The following PRKN variants were observed in gnomAD, a reference collection of about 807,000 sequenced individuals.
The protein encoded by PRKN is parkin RBR E3 ubiquitin protein ligase.
PRKN carries 56 observed loss-of-function variants against 59.5 expected under a neutral mutation model. The ratio of observed to expected loss-of-function variants is 0.94; its 90% CI spans 0.76 to 1.18. The LOEUF (loss-of-function observed/expected upper bound fraction) is 1.18, where lower values mean the gene tolerates loss of function less well. PRKN is among the 50% of genes most tolerant of loss of function. The pLI is 0.00. For missense variants in PRKN, 657 were observed against 596.4 expected (o/e 1.10, Z -1.06); for synonymous variants, 250 against 222.1 (o/e 1.13, Z -1.12).
chr6:161,830,419 T>C (rs1020517770), intron 6 of PRKN, among the ~76,000 whole-genome samples: 1 of 152,038 alleles, frequency 6.6e-6, no homozygotes, highest in Non-Finnish European at 1.5e-5. Context: ...GCCGAGCTAA[T>C]TTTTTTCTGT....
At chr6:162,719,048 A>T (rs1778834388) in intron 1 of PRKN, among the ~76,000 whole-genome samples, 1 of 152,190 alleles carries the variant, frequency 6.6e-6, no homozygotes, top group African/African-American at 2.4e-5. Context: ...TAGGTTGAGC[A>T]TCTCACAGAT....
chr6:162,340,139 A>C lies in PRKN; in HGVS notation c.172-77374T>G, dbSNP rs573481946. The stretch of plus-strand genomic sequence containing the variant: ...AAACACCCAAGAATTATCAATAAAA[A>C]AATAAATTAAAAAAAAAAAAAGTAG... On this transcript the variant is annotated intron_variant, in intron 2 of 11. Coordinates refer to ENST00000366898, the MANE Select transcript of PRKN (RefSeq NM_004562.3). Among the ~76,000 whole-genome samples the C allele has an allele frequency of 4.3e-3, 452 of 106,150 alleles. 8 individuals carry two copies. The highest frequency in any genetic ancestry group is 0.037 in the Middle Eastern group (8 of 216). 69.6% of individuals were successfully genotyped at this position (106,150 alleles called of 152,430 possible). A position where few individuals can be genotyped will look rare whatever the true frequency, so the allele number is the denominator to read the frequency against.
chr6:162,564,833 T>C lies in PRKN; in HGVS notation c.8-121360A>G, dbSNP rs2128207051. On this transcript the variant is annotated intron_variant, in intron 1 of 11. Transcript: ENST00000366898. ...TGGAGAATTTCACCAATAGCAGACC[T>C]GTCCTACAGGAAATGCTAAAAGGAG... 1.3e-5 allele frequency among the ~76,000 whole-genome samples: 2 copies of C among 148,360 alleles called. 1 individual carries two copies. Among genetic ancestry groups the C allele is most frequent in the South Asian group, 4.2e-4 (2 of 4,710 alleles).
intron 1 of PRKN, among the ~76,000 whole-genome samples, chr6:162,692,404 T>G (rs746113949): frequency 4.6e-5 from 7 of 152,200 alleles, no homozygotes; most frequent in Non-Finnish European, 1.0e-4. Context: ...CCTGGGGCCT[T>G]GGGCCACACT....
At chr6:161,510,005 T>A (rs529802651) in intron 9 of PRKN, among the ~76,000 whole-genome samples, 1 of 152,284 alleles carries the variant, frequency 6.6e-6, no homozygotes, top group East Asian at 1.9e-4. Context: ...CAAGCAAGGT[T>A]TTGCCCATGG....
intron 1 of PRKN, among the ~76,000 whole-genome samples, chr6:162,656,856 T>A (rs1293659073): frequency 6.6e-6 from 1 of 152,140 alleles, no homozygotes; most frequent in Non-Finnish European, 1.5e-5. Flanking sequence ...ACTCCAGCCA[T>A]ACTCCTCTCA....
chr6:162,388,401 C>A (rs1786966160), intron 2 of PRKN, among the ~76,000 whole-genome samples: 1 of 152,134 alleles, frequency 6.6e-6, no homozygotes, highest in Non-Finnish European at 1.5e-5. Context: ...GGGTCTCTAA[C>A]TATGTTTCTA....
At chr6:161,541,763 G>A (rs1049936836) in intron 9 of PRKN, among the ~76,000 whole-genome samples, 2 of 152,078 alleles carry the variant, frequency 1.3e-5, no homozygotes, top group Non-Finnish European at 2.9e-5. Flanking sequence ...GGAGGTGACA[G>A]TGAGCCGAGA....
intron 6 of PRKN, among the ~76,000 whole-genome samples, chr6:161,847,208 T>G (rs1793236106): frequency 6.6e-6 from 1 of 152,030 alleles, no homozygotes; most frequent in Non-Finnish European, 1.5e-5. Flanking sequence ...CTTGGGAGGC[T>G]GAGGCAGGAG....
chr6:161,754,797 T>C (rs1788844392), intron 7 of PRKN, among the ~76,000 whole-genome samples: 1 of 152,228 alleles, frequency 6.6e-6, no homozygotes, highest in African/African-American at 2.4e-5. Context: ...CTCAAATTCC[T>C]ATTTTAAACA....
intron 1 of PRKN, among the ~76,000 whole-genome samples, chr6:162,682,240 G>T (rs1779798168): frequency 6.6e-6 from 1 of 151,934 alleles, no homozygotes; most frequent in Non-Finnish European, 1.5e-5. Flanking sequence ...AACTGGTTAA[G>T]AAGATATGGT....
intron 1 of PRKN, among the ~76,000 whole-genome samples, chr6:162,496,947 G>A (rs1793091471): frequency 6.6e-6 from 1 of 152,158 alleles, no homozygotes; most frequent in Non-Finnish European, 1.5e-5. Context: ...TGAAGAAAGA[G>A]GCTGCCATGT....
chr6:162,653,358 C>G (rs80007796), intron 1 of PRKN, among the ~76,000 whole-genome samples: 8,813 of 151,752 alleles, frequency 0.058, 444 homozygotes, highest in East Asian at 0.3. Flanking sequence ...GTGTGTGTGT[C>G]TCTGTGTGTA....
chr6:161,580,311 A>C (rs1461147765), intron 7 of PRKN, among the ~76,000 whole-genome samples: 1 of 152,214 alleles, frequency 6.6e-6, no homozygotes, highest in Non-Finnish European at 1.5e-5. Context: ...GCAGTGCAGC[A>C]TCACAAGTGT....
Position 161,581,187 on chromosome 6 carries a change from C to A in PRKN, c.872-11771G>T, listed in dbSNP as rs1310521240. 6.8e-6 allele frequency among the ~76,000 whole-genome samples: 1 copy of A among 147,444 alleles called. No individual in the cohort carries two copies. The highest frequency in any genetic ancestry group is 2.5e-5 in the African/African-American group (1 of 39,598). On this transcript the variant is annotated intron_variant, in intron 7 of 11. Transcript: ENST00000366898. The surrounding 1 kb of genome is among the most constrained non-coding windows in gnomAD (Gnocchi z 4.5). The stretch of plus-strand genomic sequence containing the variant: ...GATTGTGCCACTGCACCAGCCTGGG[C>A]AACAGAGTGAGACTCTGTCTCAAAA...
At chr6:162,557,356 A>G (rs1779650276) in intron 1 of PRKN, among the ~76,000 whole-genome samples, 1 of 152,200 alleles carries the variant, frequency 6.6e-6, no homozygotes, top group South Asian at 2.1e-4. Flanking sequence ...CCCTGAGCCT[A>G]GTCCCAACAC....
chr6:161,974,246 T>C (rs913382538), intron 5 of PRKN, among the ~76,000 whole-genome samples: 4 of 152,144 alleles, frequency 2.6e-5, no homozygotes, highest in African/African-American at 9.7e-5. Flanking sequence ...CCCCACTAAA[T>C]TCCAGCCGAG....
At chr6:162,479,197 C>T (rs77730842) in intron 1 of PRKN, among the ~76,000 whole-genome samples, 295 of 151,424 alleles carry the variant, frequency 1.9e-3, no homozygotes, top group Non-Finnish European at 3.2e-3. Flanking sequence ...ATGCTGTTTT[C>T]CACCTTAAAA....
rs565169260 is a variant in PRKN, at chr6:161,579,992, T to G, written c.872-10576A>C. ...TATTGCCACTTAAATTCATCACTGC[T>G]TTTATATAGCATCCCTGCTTTTATA... On this transcript the variant is annotated intron_variant, in intron 7 of 11. Transcript: ENST00000366898. The surrounding 1 kb of genome is among the most constrained non-coding windows in gnomAD (Gnocchi z 4.2). Among the ~76,000 whole-genome samples the G allele has an allele frequency of 4.3e-3, 649 of 152,332 alleles. 6 individuals carry two copies. Among genetic ancestry groups the G allele is most frequent in the Non-Finnish European group, 6.4e-3 (435 of 68,032 alleles).
Sources: allele counts gnomAD v4.1 joint callset (sites outside exome capture counted in the v4.1 genomes callset), GRCh38; gene constraint gnomAD v4.1.1; non-coding constraint Gnocchi (gnomAD v3.1); transcripts MANE v1.5; gene names NCBI Gene and HGNC (gene_info 2026-07-23, HGNC 2026-07-21).